DOCK11: variants seen among roughly 807,000 people sequenced by gnomAD.
DOCK11 encodes the protein dedicator of cytokinesis protein 11.
Under a neutral mutation model 169.1 loss-of-function variants are expected in DOCK11, and 70 were observed. The ratio of observed to expected loss-of-function variants is 0.41; its 90% confidence interval spans 0.34 to 0.51. The LOEUF (loss-of-function observed/expected upper bound fraction) is 0.51. Ranked by LOEUF, DOCK11 falls within the 20% of genes least tolerant of loss-of-function variation. The probability of loss-of-function intolerance (pLI) is 0.10; values close to 1 mark genes in which losing one functional copy is unlikely to be tolerated. For missense variants in DOCK11, 1,166 were observed against 1,538.8 expected, an observed-to-expected ratio of 0.76 and a Z score of 4.05; for synonymous variants, 529 against 541.3, an observed-to-expected ratio of 0.98 and a Z score of 0.32.
chrX:118,591,001 T>C (rs1377341055), intron 19 of DOCK11, among the ~76,000 whole-genome samples: 1 of 112,527 alleles, frequency 8.9e-6, no homozygotes. Context: ...GGTCTGTATG[T>C]ATCCAGCATA....
At chrX:118,678,976 G>T (rs1048045407) in intron 48 of DOCK11, among the ~76,000 whole-genome samples, 1 of 110,783 alleles carries the variant, frequency 9.0e-6, no homozygotes, top group Non-Finnish European at 1.9e-5. Context: ...TGTGTGTGTG[G>T]AGACGGGGTC....
intron 1 of DOCK11, among the ~76,000 whole-genome samples, chrX:118,498,217 C>T (rs1032355164): frequency 2.7e-5 from 3 of 112,243 alleles, no homozygotes; most frequent in Non-Finnish European, 5.6e-5. Context: ...ATCTATTGAG[C>T]CCTTACAATG....
chrX:118,522,892 G>A (rs1385806198), intron 1 of DOCK11, among the ~76,000 whole-genome samples: 1 of 111,814 alleles, frequency 8.9e-6, no homozygotes, highest in Non-Finnish European at 1.9e-5. Context: ...GAGTAGACCA[G>A]GAGGCAAGAA....
At chrX:118,523,651 T>G (rs1471982716) in intron 1 of DOCK11, among the ~76,000 whole-genome samples, 1 of 112,268 alleles carries the variant, frequency 8.9e-6, no homozygotes, top group Non-Finnish European at 1.9e-5. Context: ...TTTATTCACA[T>G]AAGCTACTGA....
chrX:118,672,573 C>T (rs1472148260), intron 46 of DOCK11, among the ~76,000 whole-genome samples: 1 of 112,572 alleles, frequency 8.9e-6, no homozygotes, highest in Non-Finnish European at 1.9e-5. Context: ...GCTGGGATTA[C>T]AGGCGCCCGC....
At chrX:118,605,834 C>T (rs1284496023) in intron 24 of DOCK11, among the ~76,000 whole-genome samples, 3 of 111,980 alleles carry the variant, frequency 2.7e-5, no homozygotes, top group African/African-American at 9.7e-5. Flanking sequence ...TATTACTTTT[C>T]TGTCTGGTTG....
Position 118,662,762 on chromosome X carries a change from T to C in DOCK11, c.5046T>C (p.Asp1682=). ...NIDEEGAMKE[D]AGMMDVHYSE... is the part of the protein sequence containing the mutation. Reference sequence around the variant, plus strand: ...ATGAAGAAGGAGCAATGAAAGAAGATGCTGGGATGATGGATGTCCATTATA... The same window carrying C: ...ATGAAGAAGGAGCAATGAAAGAAGACGCTGGGATGATGGATGTCCATTATA... The change falls in exon 45 of 53, where the codon GAT becomes GAC. Residue 1682 remains aspartate, a synonymous_variant. Coordinates refer to ENST00000276202, the MANE Select transcript of DOCK11 (RefSeq NM_144658.4). The C allele has an allele frequency of 8.4e-7, 1 of 1,194,459 alleles. No individual in the cohort carries two copies. The highest frequency in any genetic ancestry group is 1.8e-5 in the South Asian group (1 of 56,306).
rs547711041 is a variant in DOCK11 at position 118,559,604 on chromosome X, A to G, written c.559-1779A>G. On this transcript the variant is annotated intron_variant, in intron 6 of 52. Coordinates refer to ENST00000276202, the MANE Select transcript of DOCK11 (RefSeq NM_144658.4). ...ATGAGAGATGTGAACCATTGTCATG[A>G]AAATAAGCAAATAGGCCAGGCAGGG... 7.7e-4 allele frequency among the ~76,000 whole-genome samples: 85 copies of G among 111,052 alleles called. 1 individual carries two copies. Among genetic ancestry groups the G allele is most frequent in the African/African-American group, 2.5e-3 (77 of 30,606 alleles).
chrX:118,598,316 T>A (rs145825629), intron 22 of DOCK11, among the ~76,000 whole-genome samples, 200 bp downstream of exon 22: 226 of 109,549 alleles, frequency 2.1e-3, no homozygotes, highest in Non-Finnish European at 3.6e-3. Context: ...TTGCTTGAGC[T>A]CAGGAGTTCA....
At chrX:118,602,490 A>C (rs977966168) in intron 23 of DOCK11, among the ~76,000 whole-genome samples, 3 of 111,327 alleles carry the variant, frequency 2.7e-5, no homozygotes, top group African/African-American at 9.8e-5. Flanking sequence ...GATACAGGGC[A>C]CAAGTGCTGA....
chrX:118,532,503 G>A (rs1236041773), intron 1 of DOCK11, among the ~76,000 whole-genome samples: 3 of 108,952 alleles, frequency 2.8e-5, no homozygotes, highest in Non-Finnish European at 5.7e-5. Flanking sequence ...TGTGCCGGCC[G>A]GGCGGGGTGG....
chrX:118,653,244 T>C (rs925997333), intron 42 of DOCK11, among the ~76,000 whole-genome samples: 1 of 111,878 alleles, frequency 8.9e-6, no homozygotes, highest in Admixed American at 9.6e-5. Context: ...ATGAAATGAC[T>C]TAGTTTTATT....
At chrX:118,516,488 C>G (rs1333254033) in intron 1 of DOCK11, among the ~76,000 whole-genome samples, 1 of 106,295 alleles carries the variant, frequency 9.4e-6, no homozygotes, top group Non-Finnish European at 1.9e-5. Flanking sequence ...GTTGCCCAGG[C>G]TGGAGTGCAG....
intron 1 of DOCK11, among the ~76,000 whole-genome samples, chrX:118,536,277 C>T (rs1003659733): frequency 9.2e-5 from 10 of 108,976 alleles, no homozygotes; most frequent in African/African-American, 2.7e-4. Flanking sequence ...CCATCCTGGG[C>T]GACAGAGTAA....
At chrX:118,561,117 A>C (rs1238608076) in intron 6 of DOCK11, among the ~76,000 whole-genome samples, 2 of 112,399 alleles carry the variant, frequency 1.8e-5, no homozygotes, top group Non-Finnish European at 3.8e-5. Context: ...GGAGATTCAG[A>C]TATCAGAATG....
Position 118,573,981 on chromosome X carries a change from A to G in DOCK11, c.1352A>G (p.His451Arg), listed in dbSNP as rs765564378. 31 of 1,210,441 alleles carry G rather than the reference A, an allele frequency of 2.6e-5. No individual in the cohort carries two copies. Among genetic ancestry groups the G allele is most frequent in the Non-Finnish European group, 3.2e-5 (29 of 895,369 alleles). Reference sequence around the variant, plus strand: ...GGCTCTTCACCCGAATCTTACATTCATGGAATTGCCGAATCTCAGTTACGC... The same window carrying G: ...GGCTCTTCACCCGAATCTTACATTCGTGGAATTGCCGAATCTCAGTTACGC... The part of the protein sequence containing the change: ...PKGSSPESYI[H>R]GIAESQLRYI... The change falls in exon 12 of 53, where the codon CAT becomes CGT. Residue 451 changes from histidine (H) to arginine (R), a missense_variant. His to Arg is a conservative substitution (Grantham distance 29). Transcript: ENST00000276202.
intron 13 of DOCK11, among the ~76,000 whole-genome samples, chrX:118,579,738 GA>G (rs1295940460): frequency 8.9e-6 from 1 of 111,831 alleles, no homozygotes; most frequent in Admixed American, 9.5e-5. Flanking sequence ...GCTGTATCCA[GA>G]AAAAACTTCT....
chrX:118,572,415 C>A lies in DOCK11; in HGVS notation c.1128C>A (p.Phe376Leu). 3 of 1,206,137 alleles carry A rather than the reference C, an allele frequency of 2.5e-6. No individual in the cohort carries two copies. The highest frequency in any genetic ancestry group is 3.4e-6 in the Non-Finnish European group (3 of 892,138). The change falls in exon 11 of 53, where the codon TTC becomes TTA. Residue 376 changes from phenylalanine to leucine, a missense_variant. Physicochemically the swap from Phe to Leu is conservative, Grantham distance 22 (BLOSUM62 0). Transcript: ENST00000276202. ...RFLVNCHDLT[F>L]NILGQIGDNA... The stretch of plus-strand genomic sequence containing the variant: ...TGGTGAATTGCCATGATTTAACTTT[C>A]AATATCTTGGGCCAAATTGGAGACA...
In DOCK11 at chrX:118,681,769, G is replaced by A; in HGVS notation, c.5938G>A (p.Val1980Met). The part of the protein sequence containing the change: ...SQASKYPPKK[V>M]SELKDMFRKF... ...AGCTAGCAAGTATCCACCTAAGAAA[G>A]TGAGTGAGTTGAAAGACATGTTTAG... The change falls in exon 51 of 53, where the codon GTG (valine) becomes ATG (methionine). Residue 1980 changes from valine to methionine, a missense_variant. Transcript: ENST00000276202. The A allele has an allele frequency of 1.7e-6, 2 of 1,204,830 alleles. No homozygotes were observed. The highest frequency in any genetic ancestry group is 2.2e-6 in the Non-Finnish European group (2 of 892,130).
Sources: gnomAD v4.1 joint callset for allele counts (sites outside exome capture counted in the v4.1 genomes callset) on GRCh38, gnomAD v4.1.1 for gene constraint, MANE v1.5 for transcripts, NCBI Gene and HGNC (gene_info 2026-07-23, HGNC 2026-07-21) for gene names.